BANK1: variants seen among roughly 807,000 people sequenced by gnomAD.
BANK1 encodes the protein B-cell scaffold protein with ankyrin repeats.
A neutral mutation model predicts 94.5 loss-of-function variants in BANK1; 95 were observed. That is an observed-to-expected ratio of 1.00 (90% CI 0.85 to 1.19). The LOEUF (loss-of-function observed/expected upper bound fraction) is 1.19, where lower values mean the gene tolerates loss of function less well. Ranked by LOEUF, BANK1 falls within the 50% of genes most tolerant of loss-of-function variation. BANK1 has a pLI of 0.00. For missense variants in BANK1, 987 were observed against 932.2 expected (o/e 1.06, Z -0.77); for synonymous variants, 334 against 308.4 (o/e 1.08, Z -0.87).
chr4:102,018,030 A>G lies in BANK1; in HGVS notation c.1207-3484A>G, dbSNP rs146911726. Among the ~76,000 whole-genome samples, 36 of 152,288 alleles carry G rather than the reference A, an allele frequency of 2.4e-4. No homozygotes were observed. The East Asian group carries it at 5.4e-3, about 23-fold the overall frequency. On this transcript the variant is annotated intron_variant, in intron 7 of 16. Coordinates refer to ENST00000322953, the MANE Select transcript of BANK1 (RefSeq NM_017935.5). Reference sequence around the variant, plus strand: ...ATGAATGTGCTTTTAGGTCATATCCATAGATAGCCTAAGGAAAAACATTAA... The same window carrying G: ...ATGAATGTGCTTTTAGGTCATATCCGTAGATAGCCTAAGGAAAAACATTAA...
intron 12 of BANK1, among the ~76,000 whole-genome samples, chr4:102,061,197 A>G (rs896428766): frequency 6.6e-6 from 1 of 152,218 alleles, no homozygotes; most frequent in Non-Finnish European, 1.5e-5. Flanking sequence ...CCCAAGAGAT[A>G]ATTTTTGTTT....
chr4:101,957,367 C>T (rs1724383191), intron 7 of BANK1, among the ~76,000 whole-genome samples: 1 of 152,128 alleles, frequency 6.6e-6, no homozygotes, highest in Non-Finnish European at 1.5e-5. Flanking sequence ...TTGAAACAGG[C>T]TTTATTCTTC....
intron 7 of BANK1, among the ~76,000 whole-genome samples, chr4:101,992,075 A>G (rs888246913): frequency 1.3e-5 from 2 of 152,208 alleles, no homozygotes; most frequent in African/African-American, 4.8e-5. Flanking sequence ...TAGGAGGCTC[A>G]GGGATGTTTA....
chr4:101,864,351 C>A (rs1727989008), intron 4 of BANK1, among the ~76,000 whole-genome samples: 1 of 152,078 alleles, frequency 6.6e-6, no homozygotes, highest in Non-Finnish European at 1.5e-5. Context: ...ATGTTTTGAA[C>A]CCTACTAAGA....
intron 10 of BANK1, among the ~76,000 whole-genome samples, chr4:102,041,133 G>A (rs767925022): frequency 1.3e-5 from 2 of 151,990 alleles, no homozygotes; most frequent in Non-Finnish European, 2.9e-5. Context: ...TTCTCACCCT[G>A]TTATGGATTT....
At chr4:102,029,200 C>G (rs1394589376) in intron 9 of BANK1, among the ~76,000 whole-genome samples, 1 of 152,132 alleles carries the variant, frequency 6.6e-6, no homozygotes, top group Non-Finnish European at 1.5e-5. Flanking sequence ...TGTCCTTTAT[C>G]TATGAATAAG....
At chr4:101,901,852 C>G (rs182950035) in intron 6 of BANK1, among the ~76,000 whole-genome samples, 1 of 152,078 alleles carries the variant, frequency 6.6e-6, no homozygotes, top group Non-Finnish European at 1.5e-5. Context: ...GCTCTGCCTC[C>G]TAGGTTCACA....
chr4:102,000,857 C>T (rs932311213), intron 7 of BANK1, among the ~76,000 whole-genome samples: 2 of 152,220 alleles, frequency 1.3e-5, no homozygotes, highest in Non-Finnish European at 2.9e-5. Context: ...GGATCCAACA[C>T]ATAATAGAGC....
chr4:101,866,564 A>G (rs1728073333), intron 4 of BANK1, among the ~76,000 whole-genome samples: 1 of 152,162 alleles, frequency 6.6e-6, no homozygotes. Context: ...GAAAACTGAA[A>G]ACAAAAGAGA....
At chr4:101,809,072 C>T (rs1725656478) in intron 1 of BANK1, among the ~76,000 whole-genome samples, 1 of 152,068 alleles carries the variant, frequency 6.6e-6, no homozygotes, top group South Asian at 2.1e-4. Flanking sequence ...GCACAATTTG[C>T]AATTGCAAAA....
intron 7 of BANK1, among the ~76,000 whole-genome samples, chr4:101,961,797 C>G (rs888005292): frequency 1.1e-4 from 16 of 152,076 alleles, no homozygotes; most frequent in Non-Finnish European, 2.4e-4. Context: ...TATTGTCATC[C>G]TTTGCCTTAC....
At chr4:101,883,079 G>A (rs1438471708) in intron 5 of BANK1, among the ~76,000 whole-genome samples, 1 of 152,050 alleles carries the variant, frequency 6.6e-6, no homozygotes, top group Non-Finnish European at 1.5e-5. Context: ...TAAGAATAAG[G>A]CATATCTATT....
intron 5 of BANK1, among the ~76,000 whole-genome samples, chr4:101,891,894 T>C (rs1428664876): frequency 1.3e-5 from 2 of 152,020 alleles, no homozygotes; most frequent in African/African-American, 2.4e-5. Context: ...AGCTTTCTAT[T>C]TTTTATTTGT....
intron 6 of BANK1, among the ~76,000 whole-genome samples, chr4:101,904,847 G>C (rs1182979782): frequency 1.3e-5 from 2 of 152,294 alleles, no homozygotes; most frequent in East Asian, 3.9e-4. Flanking sequence ...TAAATTGAGT[G>C]GGTTGAATTG....
chr4:102,048,305 A>C (rs1289181270), intron 11 of BANK1, among the ~76,000 whole-genome samples: 4 of 152,158 alleles, frequency 2.6e-5, no homozygotes, highest in Admixed American at 6.5e-5. Context: ...GTGTGCAGGG[A>C]AATCAGCAGT....
intron 13 of BANK1, among the ~76,000 whole-genome samples, chr4:102,067,191 T>TATTA (rs1306535932): frequency 6.6e-6 from 1 of 151,998 alleles, no homozygotes; most frequent in African/African-American, 2.4e-5. Context: ...TAAAATAGAT[T>TATTA]ATTAAAAAAC....
chr4:101,976,948 A>G (rs1359515062), intron 7 of BANK1: 1 of 152,162 alleles, frequency 6.6e-6, no homozygotes, highest in Non-Finnish European at 1.5e-5. Context: ...TAATAATATG[A>G]ATCAGCAAAT....
chr4:101,887,242 T>C (rs1238800973), intron 5 of BANK1, among the ~76,000 whole-genome samples: 1 of 152,234 alleles, frequency 6.6e-6, no homozygotes. Context: ...GTTTCTTTCT[T>C]GTTTAAGCCA....
intron 2 of BANK1, among the ~76,000 whole-genome samples, chr4:101,852,503 T>TATATATACAC (rs1448887346): frequency 3.9e-4 from 31 of 80,168 alleles, no homozygotes; most frequent in African/African-American, 1.3e-3. Flanking sequence ...TATATATATA[T>TATATATACAC]ACACACACAC....
Sources: allele counts gnomAD v4.1 joint callset (sites outside exome capture counted in the v4.1 genomes callset), GRCh38; gene constraint gnomAD v4.1.1; transcripts MANE v1.5; gene names NCBI Gene and HGNC (gene_info 2026-07-23, HGNC 2026-07-21).